Variants in TMEM235 observed in about 807,000 individuals in gnomAD.
TMEM235 encodes claudin-27.
In TMEM235, 23 loss-of-function variants were observed where a neutral mutation model predicts 22.9. The observed-to-expected ratio is 1.00, with a 90% CI of 0.72 to 1.42. The LOEUF is 1.42. Among genes scored for constraint, TMEM235 ranks in the 40% most tolerant of loss-of-function variants. The pLI is 0.00. For missense variants in TMEM235, 308 were observed against 299.5 expected, an observed-to-expected ratio of 1.03 and a Z score of -0.21; for synonymous variants, 137 against 140.5, an observed-to-expected ratio of 0.98 and a Z score of 0.17.
chr17:78,239,752 C>A, intron 5 of TMEM235, 28 bp from the exon 5 acceptor site: 1 of 1,527,792 alleles, frequency 6.5e-7, no homozygotes, highest in Non-Finnish European at 8.9e-7. Flanking sequence ...TGGCCCTACT[C>A]AATGACTACC....
intron 4 of TMEM235, 62 bp downstream of exon 3, chr17:78,234,792 G>A (rs1300580694): frequency 3.6e-5 from 55 of 1,528,254 alleles, no homozygotes; most frequent in Non-Finnish European, 4.6e-5. Flanking sequence ...GGTCCCGGGA[G>A]TGGGGTGCTG....
intron 4 of TMEM235, among the ~76,000 whole-genome samples, chr17:78,235,024 G>A (rs1054045089): frequency 6.6e-6 from 1 of 152,372 alleles, no homozygotes; most frequent in Non-Finnish European, 1.5e-5. Context: ...GGAGGCTGAG[G>A]TGGGTGGATC....
At chr17:78,240,302 C>T (rs1555612733) in exon 6 of TMEM235, 1 of 251,428 alleles carries the variant, frequency 4.0e-6, no homozygotes, top group Non-Finnish European at 8.1e-6. Context: ...ACCACAGGGG[C>T]CAGGGCTGCC....
Position 78,233,878 on chromosome 17 carries a change from A to T in TMEM235, c.191-17A>T, listed in dbSNP as rs1187415892. The stretch of plus-strand genomic sequence containing the variant: ...CACAGCGTCCAGGCCCCAGGCTTCG[A>T]GGCCTATGTTTCCCAGGGCAGAACG... On this transcript the variant is annotated splice_polypyrimidine_tract_variant and intron_variant, in intron 2 of 5. Coordinates refer to ENST00000421688, the Ensembl canonical transcript of TMEM235. 1.3e-6 allele frequency: 2 copies of T among 1,535,478 alleles called. No individual in the cohort carries two copies. Among genetic ancestry groups the T allele is most frequent in the East Asian group, 4.9e-5 (2 of 40,898 alleles).
At chr17:78,240,759 A>C (rs2081114793) in exon 6 of TMEM235, 1 of 151,998 alleles carries the variant, frequency 6.6e-6, no homozygotes, top group South Asian at 2.1e-4. Context: ...GGGGTGGCAC[A>C]GTTTTGGTGG....
exon 5 of TMEM235, chr17:78,239,105 C>T (rs1318573879): frequency 1.2e-5 from 18 of 1,544,094 alleles, no homozygotes; most frequent in Non-Finnish European, 1.5e-5. Context: ...CAGTATGGCC[C>T]GCAGCACATG....
In TMEM235 at chr17:78,239,233, C is replaced by CA. The variant is rs2076681902; in HGVS notation, c.619_620insA (p.Pro207HisfsTer79). 6.5e-7 allele frequency: 1 copy of CA among 1,542,876 alleles called. No homozygotes were observed. Among genetic ancestry groups the CA allele is most frequent in the Non-Finnish European group, 8.7e-7 (1 of 1,146,940 alleles). ...TGCCTGGACCCTCAGCCTGAGCCCC[C>CA]CAATCTGTGGTCATCTGAGTCCCCA... On this transcript the variant is annotated frameshift_variant, in exon 5 of 6. Coordinates refer to ENST00000421688, the Ensembl canonical transcript of TMEM235. LOFTEE classifies it low-confidence loss of function (END_TRUNC).
chr17:78,238,745 G>A lies in TMEM235; in HGVS notation c.410-279G>A, dbSNP rs1327998874. Among the ~76,000 whole-genome samples, 1 of 151,966 alleles carries A rather than the reference G, an allele frequency of 6.6e-6. No homozygotes were observed. The highest frequency in any genetic ancestry group is 2.4e-5 in the African/African-American group (1 of 41,356). On this transcript the variant is annotated intron_variant, in intron 4 of 5. Coordinates refer to ENST00000421688, the Ensembl canonical transcript of TMEM235. This position sits in a 1 kb window ranked among gnomAD's most constrained non-coding sequence, Gnocchi z 4.3. ...GGCTTTATGGGATGAGGTCTCTGAG[G>A]TTTGAGGACTGAATTGGAGCCTCTT...
At chr17:78,234,753 A>T in intron 4 of TMEM235, 23 bp downstream of exon 3, 1 of 1,535,858 alleles carries the variant, frequency 6.5e-7, no homozygotes, top group Non-Finnish European at 8.7e-7. Context: ...CCCTGGGGGA[A>T]TGGCTCCAAA....
exon 5 of TMEM235, chr17:78,239,096 A>T (rs1485579294): frequency 1.3e-6 from 2 of 1,544,192 alleles, no homozygotes; most frequent in Non-Finnish European, 1.7e-6. Context: ...ACGGTGCAGC[A>T]GTATGGCCCG....
At chr17:78,240,245 C>A in exon 6 of TMEM235, 2 of 354,244 alleles carry the variant, frequency 5.6e-6, no homozygotes, top group Non-Finnish European at 9.9e-6. Flanking sequence ...GAGTTTGGGG[C>A]CACTCCTTGC....
At position 78,239,643 on chromosome 17, in the gene TMEM235, G is replaced by T. The variant is rs990976192; in HGVS notation, c.660-137G>T. 19 of 1,428,520 alleles carry T rather than the reference G, an allele frequency of 1.3e-5. No individual in the cohort carries two copies. In the Admixed American group the frequency reaches 2.5e-4, roughly 19 times the overall value. 88.5% of individuals were successfully genotyped at this position (1,428,520 alleles called of 1,614,324 possible). ...AACTCGCCCCTCCCCCAGCAGGCTA[G>T]TGAGTCACTGCTGCCCCCATTCCTA... is the stretch of plus-strand genomic sequence containing the variant. On this transcript the variant is annotated intron_variant, in intron 5 of 5. Coordinates refer to ENST00000421688, the Ensembl canonical transcript of TMEM235.
Position 78,235,652 on chromosome 17 carries a change from G to T in TMEM235, c.409+922G>T, listed in dbSNP as rs1370154452. Among the ~76,000 whole-genome samples, 4 of 148,328 alleles carry T rather than the reference G, an allele frequency of 2.7e-5. No individual in the cohort carries two copies. In the East Asian group the frequency reaches 6.0e-4, roughly 22 times the overall value. On this transcript the variant is annotated intron_variant, in intron 4 of 5. Transcript: ENST00000421688. ...GTCTCGCTCTGTCTCCTAGGCTGGA[G>T]TGCAGTGGCGCAATCTTCGCTCACT...
intron 4 of TMEM235, among the ~76,000 whole-genome samples, chr17:78,235,599 G>T (rs1333892616): frequency 8.4e-6 from 1 of 118,804 alleles, no homozygotes; most frequent in East Asian, 2.5e-4. Flanking sequence ...GTGCTACATA[G>T]TTTTTTTTTT....
exon 3 of TMEM235, chr17:78,233,958 C>T (rs745835743): frequency 1.6e-5 from 24 of 1,530,518 alleles, no homozygotes; most frequent in Non-Finnish European, 1.8e-5. Context: ...GTCTCCACCT[C>T]GGTGCAGCAC....
intron 3 of TMEM235, 163 bp from the exon 3 acceptor site, chr17:78,234,430 C>A: frequency 9.2e-7 from 1 of 1,084,980 alleles, no homozygotes; most frequent in Non-Finnish European, 1.4e-6. Context: ...GAAGCCCCTG[C>A]CAGAGTCAGA....
exon 5 of TMEM235, chr17:78,239,113 A>C: frequency 1.3e-6 from 2 of 1,543,892 alleles, no homozygotes; most frequent in Non-Finnish European, 1.7e-6. Flanking sequence ...CCCGCAGCAC[A>C]TGCAGGGCGT....
exon 6 of TMEM235, chr17:78,239,864 CCTGGCCTCT>C: frequency 6.4e-7 from 1 of 1,551,514 alleles, no homozygotes; most frequent in Non-Finnish European, 8.7e-7. Context: ...CCAAGGCCTC[CCTGGCCTCT>C]GTTCTGTCCA....
intron 2 of TMEM235, among the ~76,000 whole-genome samples, chr17:78,232,635 G>C (rs985413333): frequency 6.6e-6 from 1 of 152,154 alleles, no homozygotes; most frequent in Non-Finnish European, 1.5e-5. Flanking sequence ...TGATGCCGCG[G>C]GGGCAGGGGT....
Sources: allele counts gnomAD v4.1 joint callset (sites outside exome capture counted in the v4.1 genomes callset), GRCh38; gene constraint gnomAD v4.1.1; non-coding constraint Gnocchi (gnomAD v3.1); transcripts MANE v1.5; gene names NCBI Gene and HGNC (gene_info 2026-07-23, HGNC 2026-07-21).